RADX: variants seen among roughly 807,000 people sequenced by gnomAD.
The protein encoded by RADX is RPA-related protein RADX.
A neutral mutation model predicts 61.6 loss-of-function variants in RADX; 36 were observed. The observed-to-expected ratio is 0.58, with a 90% CI of 0.45 to 0.77. The LOEUF is 0.77. RADX is among the 30% of genes least tolerant of loss of function. The probability of loss-of-function intolerance (pLI) is 0.00; values close to 1 mark genes in which losing one functional copy is unlikely to be tolerated. For synonymous variants in RADX, 272 were observed against 237.9 expected (o/e 1.14, Z -1.32); for missense variants, 497 against 651.1 (o/e 0.76, Z 2.58).
At chrX:106,620,803 TTC>T (rs764051783) in intron 1 of RADX, among the ~76,000 whole-genome samples, 1 of 112,624 alleles carries the variant, frequency 8.9e-6, no homozygotes, top group African/African-American at 3.2e-5. Context: ...TTTTCATTAT[TTC>T]TTTTTTGATA....
At chrX:106,647,777 C>G (rs1219197307) in intron 10 of RADX, among the ~76,000 whole-genome samples, 1 of 111,004 alleles carries the variant, frequency 9.0e-6, no homozygotes, top group Non-Finnish European at 1.9e-5. Flanking sequence ...ACCTGTTTGC[C>G]ATTTATATGT....
intron 12 of RADX, among the ~76,000 whole-genome samples, chrX:106,664,213 A>G (rs1448672392): frequency 1.0e-5 from 1 of 96,641 alleles, no homozygotes; most frequent in African/African-American, 5.7e-5. Flanking sequence ...AGGAAGGGAG[A>G]AGGGTTTTTT....
At chrX:106,619,774 T>A (rs1196003998) in intron 1 of RADX, among the ~76,000 whole-genome samples, 6 of 105,252 alleles carry the variant, frequency 5.7e-5, no homozygotes, top group African/African-American at 2.5e-4. Context: ...TATATTTGTT[T>A]ACATTCTGAG....
At chrX:106,626,386 T>C (rs1305335611) in intron 3 of RADX, among the ~76,000 whole-genome samples, 1 of 112,026 alleles carries the variant, frequency 8.9e-6, no homozygotes, top group Non-Finnish European at 1.9e-5. Context: ...TTGCAGACAT[T>C]GGTCAGATCT....
intron 11 of RADX, among the ~76,000 whole-genome samples, chrX:106,650,364 C>T (rs747734999): frequency 4.5e-4 from 50 of 110,357 alleles, no homozygotes; most frequent in Non-Finnish European, 9.3e-4. Flanking sequence ...GTGAAACTTC[C>T]TAAAAGGGAG....
In RADX at chrX:106,612,632, G is replaced by A; in HGVS notation, c.552G>A (p.Gly184=). ...QEKPERPLRG[G]KSHYLALWNN... is the part of the protein sequence containing the mutation. ...AACCAGAGAGGCCTTTAAGAGGCGG[G>A]AAGAGTCATTACCTGGCGCTGTGGA... The change falls in exon 1 of 14, where the codon GGG becomes GGA. Residue 184 remains glycine (G), a synonymous_variant. Coordinates refer to ENST00000372548, the MANE Select transcript of RADX (RefSeq NM_018015.6). The A allele has an allele frequency of 8.3e-7, 1 of 1,211,163 alleles. No homozygotes were observed. Among genetic ancestry groups the A allele is most frequent in the African/African-American group, 1.7e-5 (1 of 57,714 alleles).
At chrX:106,667,495 T>C (rs1026253777) in intron 12 of RADX, among the ~76,000 whole-genome samples, 1 of 110,155 alleles carries the variant, frequency 9.1e-6, no homozygotes, top group African/African-American at 3.3e-5. Flanking sequence ...ATTTTTATTA[T>C]TGTATTTTTG....
chrX:106,630,853 C>T (rs1271830337), intron 3 of RADX, among the ~76,000 whole-genome samples: 8 of 111,167 alleles, frequency 7.2e-5, no homozygotes, highest in Admixed American at 3.8e-4. Flanking sequence ...AACAAACCCC[C>T]GTGACATGAG....
rs766845689 is a variant in RADX, at chrX:106,669,347, G to A, written c.2437+17G>A. ...CGGTTGCAGGTAAAACAATCTCAGT[G>A]TTCTTTTCACTCAGAAAAAAAAAAA... is the stretch of plus-strand genomic sequence containing the variant. On this transcript the variant is annotated intron_variant, in intron 13 of 13. Transcript: ENST00000372548. 2 of 1,112,350 alleles carry A rather than the reference G, an allele frequency of 1.8e-6. No individual in the cohort carries two copies. The highest frequency in any genetic ancestry group is 5.8e-5 in the Admixed American group (2 of 34,706). 91.7% of individuals were successfully genotyped at this position (1,112,350 alleles called of 1,213,427 possible).
chrX:106,677,499 ATT>A (rs751692847), intron 13 of RADX, among the ~76,000 whole-genome samples: 11 of 91,663 alleles, frequency 1.2e-4, no homozygotes, highest in African/African-American at 4.0e-4. Context: ...CACCTGATCC[ATT>A]TTTTTTTTTT....
In RADX at chrX:106,612,431, C is replaced by T. The variant is rs1177726033; in HGVS notation, c.351C>T (p.Leu117=). The change falls in exon 1 of 14, where the codon CTC becomes CTT. Residue 117 remains leucine (L), a synonymous_variant. Transcript: ENST00000372548. ...ACCTGGACCCCAGCTTGAACTCTCTCGTATATCAAAATATTCTTAAAGTTG... is the reference window on the plus strand; with the variant it reads ...ACCTGGACCCCAGCTTGAACTCTCTTGTATATCAAAATATTCTTAAAGTTG... ...KCYLDPSLNS[L]VYQNILKVGI... 2.5e-6 allele frequency: 3 copies of T among 1,209,573 alleles called. No individual in the cohort carries two copies. The highest frequency in any genetic ancestry group is 4.4e-5 in the Admixed American group (2 of 45,737).
chrX:106,619,067 C>A (rs1376296331), intron 1 of RADX, among the ~76,000 whole-genome samples: 2 of 106,952 alleles, frequency 1.9e-5, no homozygotes, highest in Non-Finnish European at 3.9e-5. Context: ...TTAAAATTTT[C>A]TTTTTCTTCT....
At chrX:106,634,452 T>C (rs1476654637) in intron 6 of RADX, among the ~76,000 whole-genome samples, 2 of 111,527 alleles carry the variant, frequency 1.8e-5, no homozygotes, top group African/African-American at 6.5e-5. Context: ...TTATTATTAC[T>C]TTTTTAACCA....
At position 106,615,608 on chromosome X, in the gene RADX, A is replaced by G. The variant is rs1233375661; in HGVS notation, c.643+2885A>G. On this transcript the variant is annotated intron_variant, in intron 1 of 13. Transcript: ENST00000372548. The stretch of plus-strand genomic sequence containing the variant: ...CTCCCCCATTTATTCTTATTATACC[A>G]CCTTGCAAATGATCTTCATAGAATC... Among the ~76,000 whole-genome samples, 5 of 110,956 alleles carry G rather than the reference A, an allele frequency of 4.5e-5. No homozygotes were observed. The East Asian group carries it at 8.5e-4, about 19-fold the overall frequency.
chrX:106,619,373 C>A (rs1010679270), intron 1 of RADX, among the ~76,000 whole-genome samples: 1 of 111,563 alleles, frequency 9.0e-6, no homozygotes, highest in Non-Finnish European at 1.9e-5. Context: ...TTTTTGCCAT[C>A]ATAACTGATT....
intron 9 of RADX, chrX:106,640,305 A>G (rs1173449050): frequency 7.4e-6 from 2 of 268,894 alleles, no homozygotes; most frequent in Admixed American, 6.4e-5. Context: ...TACTATTTAT[A>G]TGGAAATAAG....
chrX:106,617,176 C>T (rs961338624), intron 1 of RADX, among the ~76,000 whole-genome samples: 1 of 107,914 alleles, frequency 9.3e-6, no homozygotes, highest in Non-Finnish European at 1.9e-5. Flanking sequence ...TACAGGCACA[C>T]CACCACACCT....
chrX:106,634,268 T>C (rs1927308939), intron 6 of RADX, among the ~76,000 whole-genome samples: 1 of 111,099 alleles, frequency 9.0e-6, no homozygotes, highest in African/African-American at 3.3e-5. Flanking sequence ...CCTGAGTAGC[T>C]GGGACTATAG....
In RADX at chrX:106,678,478, A is replaced by G. The variant is rs1009831862; in HGVS notation, c.*220A>G. 3 of 285,142 alleles carry G rather than the reference A, an allele frequency of 1.1e-5. No homozygotes were observed. The highest frequency in any genetic ancestry group is 1.9e-5 in the Non-Finnish European group (3 of 161,111). The allele number at this position is 285,142 out of a possible 1,213,427, so 23.5% of individuals were successfully genotyped here. On this transcript the variant is annotated 3_prime_UTR_variant, in exon 14 of 14. Coordinates refer to ENST00000372548, the MANE Select transcript of RADX (RefSeq NM_018015.6). ...GGTCATCAAAATAATTTTTGTGTAT[A>G]AGGGAATTTACCTTGCTTACCTTAC...
Sources: allele counts gnomAD v4.1 joint callset (sites outside exome capture counted in the v4.1 genomes callset), GRCh38; gene constraint gnomAD v4.1.1; transcripts MANE v1.5; gene names NCBI Gene and HGNC (gene_info 2026-07-23, HGNC 2026-07-21).